MAPK10: variants seen among roughly 807,000 people sequenced by gnomAD.
MAPK10 encodes mitogen-activated protein kinase 10, also known as JNK3 alpha protein kinase.
Under a neutral mutation model 59.3 loss-of-function variants are expected in MAPK10, and 25 were observed. The ratio of observed to expected loss-of-function variants is 0.42; its 90% CI spans 0.31 to 0.59. The LOEUF is 0.59. MAPK10 is among the 20% of genes least tolerant of loss of function. The probability of loss-of-function intolerance (pLI) is 0.15; values close to 1 mark genes in which losing one functional copy is unlikely to be tolerated. For synonymous variants in MAPK10, 190 were observed against 200.5 expected (o/e 0.95, Z 0.44); for missense variants, 351 against 568.9 (o/e 0.62, Z 3.90).
intron 2 of MAPK10, among the ~76,000 whole-genome samples, chr4:86,201,761 A>G (rs1266795225): frequency 2.0e-5 from 3 of 151,514 alleles, no homozygotes; most frequent in Non-Finnish European, 4.4e-5. Context: ...GCCTATCCCC[A>G]GGTTCACAGA....
chr4:86,528,775 A>C (rs1757660122), intron 1 of MAPK10, among the ~76,000 whole-genome samples: 1 of 152,316 alleles, frequency 6.6e-6, no homozygotes, highest in Non-Finnish European at 1.5e-5. Flanking sequence ...TAACCCCCCA[A>C]ATATATCTTG....
chr4:86,317,447 G>A lies in MAPK10; in HGVS notation c.-7+37083C>T, dbSNP rs114540135. Reference sequence around the variant, plus strand: ...AGATTTCTTTGAAGCTCACAATGAAGTCTTCTTCTTTGAAATACTACTGCA... The same window carrying A: ...AGATTTCTTTGAAGCTCACAATGAAATCTTCTTCTTTGAAATACTACTGCA... On this transcript the variant is annotated intron_variant, in intron 2 of 13. Coordinates refer to ENST00000641462, the MANE Select transcript of MAPK10 (RefSeq NM_138982.4). Among the ~76,000 whole-genome samples, 1,042 of 152,232 alleles carry A rather than the reference G, an allele frequency of 6.8e-3. 15 individuals carry two copies. The highest frequency in any genetic ancestry group is 0.024 in the African/African-American group (982 of 41,530).
chr4:86,379,399 T>C (rs1298771819), intron 1 of MAPK10, among the ~76,000 whole-genome samples: 2 of 152,236 alleles, frequency 1.3e-5, no homozygotes, highest in African/African-American at 2.4e-5. Flanking sequence ...TTTTTGTTAC[T>C]GAACTTCTTT....
At chr4:86,475,536 A>G (rs1445233656) in intron 1 of MAPK10, among the ~76,000 whole-genome samples, 1 of 152,118 alleles carries the variant, frequency 6.6e-6, no homozygotes, top group Admixed American at 6.5e-5. Flanking sequence ...CCGTGGACCC[A>G]AAACTCTGGC....
intron 1 of MAPK10, among the ~76,000 whole-genome samples, chr4:86,432,237 T>C (rs756450488): frequency 6.6e-6 from 1 of 152,084 alleles, no homozygotes; most frequent in Non-Finnish European, 1.5e-5. Context: ...ATTCAGTCAG[T>C]TGGGGGCATA....
At chr4:86,583,892 T>G (rs1399793939) in intron 1 of MAPK10, among the ~76,000 whole-genome samples, 1 of 152,156 alleles carries the variant, frequency 6.6e-6, no homozygotes, top group East Asian at 1.9e-4. Context: ...CCTTGTAATA[T>G]CCTGATTATC....
chr4:86,507,511 T>C (rs1755827238), intron 1 of MAPK10, among the ~76,000 whole-genome samples: 1 of 149,656 alleles, frequency 6.7e-6, no homozygotes, highest in South Asian at 2.1e-4. Flanking sequence ...ATGTGCACAA[T>C]AATGTTTATT....
At chr4:86,137,181 G>A (rs1001601168) in intron 4 of MAPK10, among the ~76,000 whole-genome samples, 27 of 151,532 alleles carry the variant, frequency 1.8e-4, no homozygotes, top group Middle Eastern at 3.2e-3. Context: ...TGCACCAAGC[G>A]GACCTAATAG....
chr4:86,338,522 A>AC (rs1722936105), intron 2 of MAPK10, among the ~76,000 whole-genome samples: 1 of 151,860 alleles, frequency 6.6e-6, no homozygotes, highest in Non-Finnish European at 1.5e-5. Flanking sequence ...TCTTGTGGGG[A>AC]TTCCCATGCT....
intron 2 of MAPK10, among the ~76,000 whole-genome samples, chr4:86,289,311 A>C (rs1200848339): frequency 6.6e-6 from 1 of 152,112 alleles, no homozygotes; most frequent in African/African-American, 2.4e-5. Context: ...CATGGTAAGG[A>C]GGCTGGGTTT....
At chr4:86,105,253 C>A (rs1397098263) in intron 5 of MAPK10, among the ~76,000 whole-genome samples, 1 of 152,084 alleles carries the variant, frequency 6.6e-6, no homozygotes. Flanking sequence ...GTTCTACGTT[C>A]TTATTAATGC....
At chr4:86,527,027 G>C (rs991897905) in intron 1 of MAPK10, among the ~76,000 whole-genome samples, 3 of 152,100 alleles carry the variant, frequency 2.0e-5, no homozygotes, top group Non-Finnish European at 4.4e-5. Context: ...AGGCAAAAGT[G>C]GCTGGGCACA....
chr4:86,317,204 G>A (rs2095804658), intron 2 of MAPK10, among the ~76,000 whole-genome samples: 1 of 152,106 alleles, frequency 6.6e-6, no homozygotes, highest in Admixed American at 6.6e-5. Flanking sequence ...GCACCACTAT[G>A]AATCTGGGCT....
At chr4:86,398,360 C>G (rs972459480) in intron 1 of MAPK10, among the ~76,000 whole-genome samples, 2 of 152,110 alleles carry the variant, frequency 1.3e-5, no homozygotes, top group Non-Finnish European at 2.9e-5. Flanking sequence ...TTCATAACAA[C>G]TCTATGCTAG....
chr4:86,362,728 T>G (rs1737206527), upstream of MAPK10, among the ~76,000 whole-genome samples: 1 of 152,026 alleles, frequency 6.6e-6, no homozygotes, highest in Non-Finnish European at 1.5e-5. Context: ...ATATACAAAT[T>G]AAAACCAAAG....
At chr4:86,123,138 G>C (rs976453540) in intron 4 of MAPK10, among the ~76,000 whole-genome samples, 3 of 151,938 alleles carry the variant, frequency 2.0e-5, no homozygotes, top group African/African-American at 7.2e-5. Context: ...TATAACTGAG[G>C]TCATACAGTA....
chr4:86,340,938 C>T (rs949619761), intron 2 of MAPK10, among the ~76,000 whole-genome samples: 1 of 152,158 alleles, frequency 6.6e-6, no homozygotes, highest in Non-Finnish European at 1.5e-5. Context: ...ATGTCCTATA[C>T]AATTTGAATA....
chr4:86,574,576 T>C (rs552215909), intron 1 of MAPK10, among the ~76,000 whole-genome samples: 76 of 152,320 alleles, frequency 5.0e-4, no homozygotes, highest in African/African-American at 1.6e-3. Context: ...TGTTGTTTCC[T>C]GACTTTTTAA....
At chr4:86,516,506 G>A (rs181818626) in intron 1 of MAPK10, among the ~76,000 whole-genome samples, 5 of 152,172 alleles carry the variant, frequency 3.3e-5, no homozygotes, top group African/African-American at 7.2e-5. Flanking sequence ...GATTCTACCC[G>A]TCAGTGAGCA....
Sources: allele counts gnomAD v4.1 joint callset (sites outside exome capture counted in the v4.1 genomes callset), GRCh38; gene constraint gnomAD v4.1.1; transcripts MANE v1.5; gene names NCBI Gene and HGNC (gene_info 2026-07-23, HGNC 2026-07-21).